HECW2: variants seen among roughly 807,000 people sequenced by gnomAD.
HECW2 encodes E3 ubiquitin-protein ligase HECW2.
HECW2 carries 61 observed loss-of-function variants against 175.2 expected under a neutral mutation model. The observed-to-expected ratio is 0.35, with a 90% CI of 0.28 to 0.43. HECW2 has a LOEUF of 0.43. Among genes scored for constraint, HECW2 ranks in the 20% least tolerant of loss-of-function variants. The probability of loss-of-function intolerance (pLI) is 1.00; values close to 1 mark genes in which losing one functional copy is unlikely to be tolerated. For missense variants in HECW2, 1,524 were observed against 2,000.5 expected (o/e 0.76, Z 4.54); for synonymous variants, 671 against 731.0 (o/e 0.92, Z 1.32).
At chr2:196,237,990 C>A (rs1417080058) in intron 21 of HECW2, among the ~76,000 whole-genome samples, 2 of 152,122 alleles carry the variant, frequency 1.3e-5, no homozygotes, top group Non-Finnish European at 2.9e-5. Context: ...CATTACTAGA[C>A]CCAGACATGA....
chr2:196,316,327 C>T (rs1179799038), intron 10 of HECW2: 1 of 152,222 alleles, frequency 6.6e-6, no homozygotes. Context: ...AGACTAATCA[C>T]TCAGAATTGT....
chr2:196,483,462 G>T (rs1011148549), intron 1 of HECW2, among the ~76,000 whole-genome samples: 1 of 152,194 alleles, frequency 6.6e-6, no homozygotes, highest in African/African-American at 2.4e-5. Flanking sequence ...ACCCTGCTGA[G>T]TGGGACAGGG....
chr2:196,348,249 TA>T (rs1425697674), intron 2 of HECW2, among the ~76,000 whole-genome samples: 1 of 152,188 alleles, frequency 6.6e-6, no homozygotes, highest in Non-Finnish European at 1.5e-5. Flanking sequence ...TAGGCCAACA[TA>T]TTTTTTTTCC....
intron 19 of HECW2, among the ~76,000 whole-genome samples, chr2:196,250,317 G>A (rs536055513): frequency 4.0e-5 from 6 of 151,694 alleles, no homozygotes; most frequent in South Asian, 4.2e-4. Flanking sequence ...ATCAGGGTTC[G>A]TATGTTCCAG....
intron 20 of HECW2, among the ~76,000 whole-genome samples, chr2:196,241,173 T>C (rs191842699): frequency 1.1e-4 from 16 of 152,292 alleles, no homozygotes; most frequent in Admixed American, 6.5e-4. Context: ...CATCCTTCCA[T>C]AGATATCAAT....
Position 196,271,298 on chromosome 2 carries a change from A to C in HECW2, c.3239-9T>G. 1 of 1,556,894 alleles carries C rather than the reference A, an allele frequency of 6.4e-7. No homozygotes were observed. Among genetic ancestry groups the C allele is most frequent in the South Asian group, 1.1e-5 (1 of 89,398 alleles). On this transcript the variant is annotated splice_polypyrimidine_tract_variant and intron_variant, in intron 16 of 28. Coordinates refer to ENST00000644978, the MANE Select transcript of HECW2 (RefSeq NM_001348768.2). ...AATCTTGTCATTGTAAGCTGAAAAA[A>C]AAATCAGAAAAGACAACAATTTAAA...
At chr2:196,589,002 C>G (rs1191641818) in intron 1 of HECW2, among the ~76,000 whole-genome samples, 1 of 152,094 alleles carries the variant, frequency 6.6e-6, no homozygotes, top group African/African-American at 2.4e-5. Context: ...AGTTCAAGAC[C>G]AGCCTGGCCA....
At chr2:196,344,321 A>AG (rs1362381148) in intron 2 of HECW2, among the ~76,000 whole-genome samples, 4 of 107,488 alleles carry the variant, frequency 3.7e-5, no homozygotes, top group African/African-American at 1.4e-4. Context: ...AGACAAGATA[A>AG]GAAAAAAAAA....
chr2:196,361,967 C>T lies in HECW2; in HGVS notation c.293-18203G>A, dbSNP rs866615075. The T allele has an allele frequency of 9.6e-5, 95 of 985,346 alleles. No homozygotes were observed. The South Asian group carries it at 1.9e-3, about 20-fold the overall frequency. 61.0% of individuals were successfully genotyped at this position (985,346 alleles called of 1,614,324 possible). On this transcript the variant is annotated intron_variant, in intron 2 of 28. Coordinates refer to ENST00000644978, the MANE Select transcript of HECW2 (RefSeq NM_001348768.2). ...AGCCAGAGCTGAACTGAAGTCAAGG[C>T]GGGTCTGGAGTTCTAAGGTGGCTGT...
At chr2:196,351,240 AT>A (rs951864480) in intron 2 of HECW2, among the ~76,000 whole-genome samples, 6 of 152,006 alleles carry the variant, frequency 3.9e-5, no homozygotes, top group African/African-American at 1.2e-4. Context: ...AAAACTTTAA[AT>A]TTTTTTTCAA....
At chr2:196,518,884 G>T (rs371081984) in intron 1 of HECW2, among the ~76,000 whole-genome samples, 8 of 152,034 alleles carry the variant, frequency 5.3e-5, no homozygotes, top group African/African-American at 1.9e-4. Context: ...CTGGCCCACA[G>T]TATCCCACGG....
At chr2:196,385,755 T>G (rs1057420051) in intron 2 of HECW2, among the ~76,000 whole-genome samples, 2 of 152,236 alleles carry the variant, frequency 1.3e-5, no homozygotes, top group Admixed American at 1.3e-4. Flanking sequence ...GCAATATAAA[T>G]GCAAATATAA....
At chr2:196,265,404 G>C (rs969379512) in intron 17 of HECW2, among the ~76,000 whole-genome samples, 1 of 152,110 alleles carries the variant, frequency 6.6e-6, no homozygotes, top group African/African-American at 2.4e-5. Context: ...AGAATTGCTT[G>C]AACCCGGGAG....
chr2:196,226,728 G>A (rs868813683), intron 22 of HECW2, among the ~76,000 whole-genome samples: 6 of 152,284 alleles, frequency 3.9e-5, no homozygotes, highest in Non-Finnish European at 2.9e-5. Flanking sequence ...CCTTTCTGAG[G>A]AAAGGCCCAG....
At chr2:196,428,721 T>C (rs1244876183) in intron 2 of HECW2, among the ~76,000 whole-genome samples, 1 of 152,198 alleles carries the variant, frequency 6.6e-6, no homozygotes. Flanking sequence ...CTTTCACAGA[T>C]ATTAAAATAG....
intron 2 of HECW2, among the ~76,000 whole-genome samples, chr2:196,353,103 T>G (rs1322475905): frequency 6.6e-6 from 1 of 152,096 alleles, no homozygotes; most frequent in Non-Finnish European, 1.5e-5. Flanking sequence ...TTTCCCCGCC[T>G]CGCTCCTTAC....
chr2:196,474,273 T>C (rs906958468), intron 1 of HECW2, among the ~76,000 whole-genome samples: 1 of 152,170 alleles, frequency 6.6e-6, no homozygotes, highest in Admixed American at 6.5e-5. Flanking sequence ...TTGGGGACAA[T>C]GAGAGGACTA....
chr2:196,570,900 T>C (rs1049521489), intron 1 of HECW2, among the ~76,000 whole-genome samples: 1 of 152,174 alleles, frequency 6.6e-6, no homozygotes, highest in African/African-American at 2.4e-5. Context: ...CCCATTTGCT[T>C]CACGGACTTA....
At chr2:196,553,037 C>T (rs569659200) in intron 1 of HECW2, among the ~76,000 whole-genome samples, 8 of 152,272 alleles carry the variant, frequency 5.3e-5, no homozygotes, top group African/African-American at 1.9e-4. Flanking sequence ...AAGGGGTGGG[C>T]GAGTAGGGCC....
Sources: gnomAD v4.1 joint callset for allele counts (sites outside exome capture counted in the v4.1 genomes callset) on GRCh38, gnomAD v4.1.1 for gene constraint, MANE v1.5 for transcripts, NCBI Gene and HGNC (gene_info 2026-07-23, HGNC 2026-07-21) for gene names.